Variants in COL22A1 observed in about 807,000 individuals in gnomAD.
The protein encoded by COL22A1 is collagen alpha-1(XXII) chain.
A neutral mutation model predicts 248.9 loss-of-function variants in COL22A1; 221 were observed. The observed-to-expected ratio is 0.89, with a 90% CI of 0.80 to 0.99. COL22A1 has a LOEUF of 0.99. Ranked by LOEUF, COL22A1 falls within the 50% of genes least tolerant of loss-of-function variation. COL22A1 has a pLI of 0.00. For synonymous variants in COL22A1, 891 were observed against 793.4 expected, an observed-to-expected ratio of 1.12 and a Z score of -2.07; for missense variants, 2,240 against 2,179.0, an observed-to-expected ratio of 1.03 and a Z score of -0.56.
chr8:138,896,448 A>C (rs1237481848), intron 1 of COL22A1, among the ~76,000 whole-genome samples: 2 of 152,214 alleles, frequency 1.3e-5, no homozygotes, highest in East Asian at 3.9e-4. Context: ...TATGCATTGC[A>C]GTACCTAGAA....
intron 3 of COL22A1, among the ~76,000 whole-genome samples, chr8:138,857,158 G>A (rs563668810): frequency 6.6e-6 from 1 of 151,824 alleles, no homozygotes; most frequent in Non-Finnish European, 1.5e-5. Flanking sequence ...TCTATCTGCT[G>A]ACCCCATGCC....
At position 138,604,776 on chromosome 8, in the gene COL22A1, A is replaced by C; in HGVS notation, c.4105-7T>G. On this transcript the variant is annotated splice_polypyrimidine_tract_variant and splice_region_variant and intron_variant, in intron 58 of 64. Coordinates refer to ENST00000303045, the MANE Select transcript of COL22A1 (RefSeq NM_152888.3). ...CTTTCTCTCCTGGTTCTCCCTGGAA[A>C]ACAGAACAGAATATCAGTGGCTCTG... is the stretch of plus-strand genomic sequence containing the variant. 1 of 1,611,198 alleles carries C rather than the reference A, an allele frequency of 6.2e-7. No individual in the cohort carries two copies.
intron 3 of COL22A1, among the ~76,000 whole-genome samples, chr8:138,869,185 C>A (rs1296630806): frequency 6.6e-6 from 1 of 152,190 alleles, no homozygotes; most frequent in Non-Finnish European, 1.5e-5. Flanking sequence ...ACTGATGGAG[C>A]TACTTTGACC....
chr8:138,634,977 C>T (rs373497089), intron 49 of COL22A1, 33 bp downstream of exon 49: 50 of 1,465,026 alleles, frequency 3.4e-5, no homozygotes, highest in East Asian at 9.1e-5. Context: ...ATGTCAAGGC[C>T]GAAAGAGGAG....
At chr8:138,773,209 C>A (rs536437764) in intron 16 of COL22A1, among the ~76,000 whole-genome samples, 7 of 152,348 alleles carry the variant, frequency 4.6e-5, no homozygotes, top group Admixed American at 3.3e-4. Flanking sequence ...CCACCACAGG[C>A]CCCTGAGTGG....
At chr8:138,716,481 C>T (rs1829441151) in intron 28 of COL22A1, among the ~76,000 whole-genome samples, 192 bp from the exon 29 acceptor site, 1 of 152,200 alleles carries the variant, frequency 6.6e-6, no homozygotes, top group South Asian at 2.1e-4. Flanking sequence ...TCCCCAAGCT[C>T]TTGTCTACTT....
Position 138,811,807 on chromosome 8 carries a change from C to A in COL22A1, c.1441G>T (p.Gly481Ter), listed in dbSNP as rs760552807. Residue 481 changes from glycine (G) to a stop codon, truncating the protein, a stop_gained, in exon 9 of 65, where the codon GGA (glycine) becomes TGA (stop). Coordinates refer to ENST00000303045, the MANE Select transcript of COL22A1 (RefSeq NM_152888.3). LOFTEE classifies it high-confidence loss of function. ...LKTINCSCPA[G>*]EKGEMGVAGP... ...TGGACTGCAGACAATACCTTCTCTC[C>A]AGCTGGGCAGGAGCAGTTGATGGTC... is the stretch of plus-strand genomic sequence containing the variant. 1 of 1,610,836 alleles carries A rather than the reference C, an allele frequency of 6.2e-7. No individual in the cohort carries two copies. The highest frequency in any genetic ancestry group is 8.5e-7 in the Non-Finnish European group (1 of 1,179,090).
intron 1 of COL22A1, among the ~76,000 whole-genome samples, chr8:138,899,754 C>G (rs890249851): frequency 2.6e-5 from 4 of 152,082 alleles, no homozygotes; most frequent in African/African-American, 9.7e-5. Context: ...AAACCCCTGA[C>G]CTCAGGTGAT....
chr8:138,662,156 T>C (rs1349527983), intron 42 of COL22A1, 73 bp from the exon 43 acceptor site: 2 of 1,282,438 alleles, frequency 1.6e-6, no homozygotes, highest in Non-Finnish European at 2.2e-6. Context: ...TCCTTGGCAA[T>C]AGTTGGCTCT....
intron 2 of COL22A1, among the ~76,000 whole-genome samples, chr8:138,882,066 C>T (rs1230682334): frequency 6.6e-6 from 1 of 152,074 alleles, no homozygotes; most frequent in African/African-American, 2.4e-5. Flanking sequence ...CCAGTGTGTC[C>T]ATTTCCCCTG....
intron 32 of COL22A1, among the ~76,000 whole-genome samples, chr8:138,699,857 T>C (rs1827808781): frequency 6.6e-6 from 1 of 152,282 alleles, no homozygotes; most frequent in Non-Finnish European, 1.5e-5. Flanking sequence ...TTCCCAGAGA[T>C]GCCTGGCCTT....
intron 6 of COL22A1, among the ~76,000 whole-genome samples, chr8:138,824,176 C>T (rs994639212): frequency 1.3e-5 from 2 of 152,230 alleles, no homozygotes; most frequent in East Asian, 1.9e-4. Flanking sequence ...ACATGGTCTT[C>T]TATTTCATAT....
Position 138,594,070 on chromosome 8 carries a change from C to A in COL22A1, c.4562G>T (p.Gly1521Val). 6.3e-7 allele frequency: 1 copy of A among 1,590,334 alleles called. No homozygotes were observed. Among genetic ancestry groups the A allele is most frequent in the Non-Finnish European group, 8.5e-7 (1 of 1,172,198 alleles). Residue 1521 changes from glycine (G) to valine (V), a missense_variant, in exon 63 of 65, where the codon GGT becomes GTT. Transcript: ENST00000303045. ...TTCCAGACCCCCCTGCCCAGGACGACCTGGCTCCCCCATGGGGCCGGCCCG... is the reference window on the plus strand; with the variant it reads ...TTCCAGACCCCCCTGCCCAGGACGAACTGGCTCCCCCATGGGGCCGGCCCG... ...PGRAGPMGEP[G>V]RPGQGGLEGP...
At chr8:138,786,835 C>T (rs1003156348) in intron 12 of COL22A1, among the ~76,000 whole-genome samples, 3 of 152,008 alleles carry the variant, frequency 2.0e-5, no homozygotes, top group East Asian at 1.9e-4. Context: ...ACCCAGGAGA[C>T]GAAGGTTGCA....
At chr8:138,748,522 T>C (rs748708327) in intron 22 of COL22A1, among the ~76,000 whole-genome samples, 49 of 152,328 alleles carry the variant, frequency 3.2e-4, no homozygotes, top group Admixed American at 1.5e-3. Flanking sequence ...TATCAGAGCC[T>C]GTCCTTCATC....
chr8:138,730,249 G>A (rs1405499090), intron 23 of COL22A1, among the ~76,000 whole-genome samples: 4 of 152,208 alleles, frequency 2.6e-5, no homozygotes, highest in African/African-American at 7.2e-5. Flanking sequence ...GTGACAGGGT[G>A]TGGGTGATGC....
At chr8:138,673,401 G>A (rs1000397865) in intron 41 of COL22A1, among the ~76,000 whole-genome samples, 4 of 151,978 alleles carry the variant, frequency 2.6e-5, no homozygotes, top group African/African-American at 9.7e-5. Context: ...GTAGAGACAG[G>A]GTTTCACCAT....
intron 21 of COL22A1, 79 bp from the exon 22 acceptor site, chr8:138,751,590 G>T (rs1832606548): frequency 3.0e-6 from 3 of 997,706 alleles, no homozygotes; most frequent in Non-Finnish European, 4.6e-6. Context: ...TTAGGCTTTA[G>T]AATCTCACCC....
At chr8:138,773,749 C>T (rs1442318720) in intron 16 of COL22A1, among the ~76,000 whole-genome samples, 1 of 152,198 alleles carries the variant, frequency 6.6e-6, no homozygotes, top group Non-Finnish European at 1.5e-5. Context: ...CTGTTTCAGA[C>T]TCCAGGCCAG....
Sources: allele counts gnomAD v4.1 joint callset (sites outside exome capture counted in the v4.1 genomes callset), GRCh38; gene constraint gnomAD v4.1.1; transcripts MANE v1.5; gene names NCBI Gene and HGNC (gene_info 2026-07-23, HGNC 2026-07-21).